PTDSS1: variants seen among roughly 807,000 people sequenced by gnomAD.
The protein encoded by PTDSS1 is phosphatidylserine synthase 1, also known as PSS-1.
A neutral mutation model predicts 70.5 loss-of-function variants in PTDSS1; 45 were observed. That is an observed-to-expected ratio of 0.64 (90% confidence interval 0.50 to 0.82). PTDSS1 has a LOEUF of 0.82. Among genes scored for constraint, PTDSS1 ranks in the 40% least tolerant of loss-of-function variants. PTDSS1 has a pLI of 0.00. For synonymous variants in PTDSS1, 188 were observed against 203.8 expected (o/e 0.92, Z 0.66); for missense variants, 417 against 586.1 (o/e 0.71, Z 2.98).
At chr8:96,312,777 G>C (rs1023604045) in intron 9 of PTDSS1, among the ~76,000 whole-genome samples, 1 of 152,154 alleles carries the variant, frequency 6.6e-6, no homozygotes, top group African/African-American at 2.4e-5. Context: ...TCCACTGCCA[G>C]CCAGGGAAGG....
At chr8:96,269,451 G>C (rs558616463) in intron 1 of PTDSS1, among the ~76,000 whole-genome samples, 1 of 152,158 alleles carries the variant, frequency 6.6e-6, no homozygotes, top group African/African-American at 2.4e-5. Context: ...AAGTCAAGGC[G>C]GTGTCACAGC....
At chr8:96,308,844 C>T (rs574366173) in intron 8 of PTDSS1, among the ~76,000 whole-genome samples, 29 of 152,154 alleles carry the variant, frequency 1.9e-4, no homozygotes, top group South Asian at 1.0e-3. Flanking sequence ...ATATTTCTAC[C>T]GGATGGTGCT....
intron 5 of PTDSS1, among the ~76,000 whole-genome samples, chr8:96,298,212 A>G (rs909365608): frequency 1.6e-4 from 25 of 152,212 alleles, no homozygotes; most frequent in African/African-American, 6.0e-4. Flanking sequence ...AAGCCATCAC[A>G]TGCAGCAGCT....
chr8:96,275,673 A>T (rs989531780), intron 2 of PTDSS1, among the ~76,000 whole-genome samples: 2 of 152,184 alleles, frequency 1.3e-5, no homozygotes, highest in Non-Finnish European at 2.9e-5. Context: ...CAAAGCAAGG[A>T]AATGGCAAAC....
intron 10 of PTDSS1, among the ~76,000 whole-genome samples, chr8:96,326,367 G>GT (rs57870312): frequency 0.1 from 15,483 of 151,996 alleles, 1,219 homozygotes; most frequent in African/African-American, 0.22. Flanking sequence ...AGTGGAATTT[G>GT]TTTTTTTTCT....
intron 7 of PTDSS1, among the ~76,000 whole-genome samples, chr8:96,305,017 T>C (rs1383275084): frequency 6.6e-6 from 1 of 152,198 alleles, no homozygotes; most frequent in Non-Finnish European, 1.5e-5. Context: ...CATACAGAAG[T>C]GTACGTGAAT....
intron 9 of PTDSS1, among the ~76,000 whole-genome samples, chr8:96,311,964 G>A (rs764311749): frequency 2.0e-5 from 3 of 152,122 alleles, no homozygotes; most frequent in South Asian, 2.1e-4. Context: ...TTCTTTCCAC[G>A]TGCATTTTGC....
Position 96,331,103 on chromosome 8 carries a change from GTTCTT to G in PTDSS1, c.1312+9_1312+13del. The stretch of plus-strand genomic sequence containing the variant: ...ACAGGAAAGGGACAAAAGGTATCTT[GTTCTT>G]GTTCGTTGTTTAAAATTTTACTGGG... On this transcript the variant is annotated intron_variant, in intron 12 of 12. Coordinates refer to ENST00000517309, the MANE Select transcript of PTDSS1 (RefSeq NM_014754.3). 1 of 603,898 alleles carries G rather than the reference GTTCTT, an allele frequency of 1.7e-6. No homozygotes were observed. The highest frequency in any genetic ancestry group is 2.5e-6 in the Non-Finnish European group (1 of 393,540). The allele number at this position is 603,898 out of a possible 1,614,324, so 37.4% of individuals were successfully genotyped here.
chr8:96,330,858 G>T (rs1251413441), intron 11 of PTDSS1, 168 bp from the exon 12 acceptor site: 1 of 591,578 alleles, frequency 1.7e-6, no homozygotes, highest in South Asian at 2.1e-5. Flanking sequence ...TGAGAGGAAA[G>T]AACCTTGTTT....
intron 3 of PTDSS1, 102 bp from the exon 4 acceptor site, chr8:96,286,920 C>T: frequency 7.0e-7 from 1 of 1,432,780 alleles, no homozygotes; most frequent in Non-Finnish European, 9.7e-7. Context: ...GTGCTGCAAT[C>T]TTAGTGTCTG....
chr8:96,292,589 G>A (rs910154925), intron 4 of PTDSS1, among the ~76,000 whole-genome samples: 4 of 152,188 alleles, frequency 2.6e-5, no homozygotes, highest in East Asian at 1.9e-4. Context: ...TATTCTAAGT[G>A]TATGAAAAGG....
At chr8:96,330,092 T>C in intron 10 of PTDSS1, 121 bp from the exon 11 acceptor site, 1 of 926,938 alleles carries the variant, frequency 1.1e-6, no homozygotes, top group Non-Finnish European at 1.7e-6. Flanking sequence ...TCCAGCCGTT[T>C]TGTAACCGGC....
chr8:96,326,596 G>A (rs1323981426), intron 10 of PTDSS1, among the ~76,000 whole-genome samples: 2 of 152,222 alleles, frequency 1.3e-5, no homozygotes, highest in Non-Finnish European at 2.9e-5. Context: ...AGTGGCTCAG[G>A]AAGGTGGTGA....
chr8:96,309,460 A>AG lies in PTDSS1; in HGVS notation c.1008-95dup, dbSNP rs566573267. On this transcript the variant is annotated intron_variant, in intron 8 of 12. Coordinates refer to ENST00000517309, the MANE Select transcript of PTDSS1 (RefSeq NM_014754.3). Reference sequence around the variant, plus strand: ...AGACCAGGCAGCCTGACATGGGACAAGGAGGGACGTTTTTTACTTTGTCAA... The same window carrying AG: ...AGACCAGGCAGCCTGACATGGGACAAGGGAGGGACGTTTTTTACTTTGTCAA... 314 of 1,077,582 alleles carry AG rather than the reference A, an allele frequency of 2.9e-4. 2 individuals carry two copies. In the African/African-American group the frequency reaches 4.5e-3, roughly 16 times the overall value. The allele number at this position is 1,077,582 out of a possible 1,614,324, so 66.8% of individuals were successfully genotyped here.
At chr8:96,308,848 T>G (rs1428275009) in intron 8 of PTDSS1, among the ~76,000 whole-genome samples, 4 of 152,240 alleles carry the variant, frequency 2.6e-5, no homozygotes, top group Non-Finnish European at 4.4e-5. Flanking sequence ...TTCTACCGGA[T>G]GGTGCTGTTC....
At chr8:96,264,088 C>G (rs1190679781) in intron 1 of PTDSS1, among the ~76,000 whole-genome samples, 1 of 152,210 alleles carries the variant, frequency 6.6e-6, no homozygotes, top group Non-Finnish European at 1.5e-5. Context: ...TTCCACAGTA[C>G]CTGACCAGAC....
At chr8:96,278,754 C>A (rs748049798) in intron 2 of PTDSS1, among the ~76,000 whole-genome samples, 1 of 152,168 alleles carries the variant, frequency 6.6e-6, no homozygotes, top group Non-Finnish European at 1.5e-5. Flanking sequence ...ACATTTCCTG[C>A]TTCTGAGAAC....
intron 9 of PTDSS1, among the ~76,000 whole-genome samples, chr8:96,313,613 T>A (rs1301368046): frequency 6.6e-6 from 1 of 152,198 alleles, no homozygotes; most frequent in East Asian, 1.9e-4. Context: ...TTGCTTTTCC[T>A]CTTCCTGGGA....
At chr8:96,303,020 T>C (rs2130105097) in intron 6 of PTDSS1, among the ~76,000 whole-genome samples, 1 of 152,336 alleles carries the variant, frequency 6.6e-6, no homozygotes, top group South Asian at 2.1e-4. Context: ...CAAAAAATCC[T>C]ATTGGTGGTT....
Sources: gnomAD v4.1 joint callset for allele counts (sites outside exome capture counted in the v4.1 genomes callset) on GRCh38, gnomAD v4.1.1 for gene constraint, MANE v1.5 for transcripts, NCBI Gene and HGNC (gene_info 2026-07-23, HGNC 2026-07-21) for gene names.